The following ING5 variants were observed in gnomAD, a reference collection of about 807,000 sequenced individuals.
ING5 encodes the protein inhibitor of growth protein 5.
A neutral mutation model predicts 37.4 loss-of-function variants in ING5; 17 were observed. The ratio of observed to expected loss-of-function variants is 0.45; its 90% CI spans 0.31 to 0.68. The LOEUF is 0.68. Ranked by LOEUF, ING5 falls within the 30% of genes least tolerant of loss-of-function variation. The pLI is 0.05. For missense variants in ING5, 233 were observed against 311.9 expected (o/e 0.75, Z 1.91); for synonymous variants, 123 against 116.6 (o/e 1.06, Z -0.36).
rs1691623906 is a variant in ING5, at chr2:241,726,414, CTG to C, written c.*1387_*1388del. 1 of 152,264 alleles carries C rather than the reference CTG, an allele frequency of 6.6e-6. No individual in the cohort carries two copies. The highest frequency in any genetic ancestry group is 1.9e-4 in the East Asian group (1 of 5,202). 9.4% of individuals were successfully genotyped at this position (152,264 alleles called of 1,614,324 possible). On this transcript the variant is annotated 3_prime_UTR_variant, in exon 8 of 8. Coordinates refer to ENST00000313552, the MANE Select transcript of ING5 (RefSeq NM_032329.6). ...TAAAGCAGAAGGAACGTGTGAAGCT[CTG>C]TGTCTCAGACGGGGCCCTCCCGTCG... is the stretch of plus-strand genomic sequence containing the variant.
chr2:241,694,575 T>C (rs2069604086), intron 2 of ING5, among the ~76,000 whole-genome samples: 1 of 152,070 alleles, frequency 6.6e-6, no homozygotes, highest in African/African-American at 2.4e-5. Flanking sequence ...AGGTTGGCTT[T>C]TTCCCCCCTC....
At chr2:241,714,605 T>G (rs963297027) in intron 5 of ING5, among the ~76,000 whole-genome samples, 2 of 152,012 alleles carry the variant, frequency 1.3e-5, no homozygotes, top group East Asian at 3.9e-4. Context: ...ATCCTTTTTT[T>G]TTTTTCCCTG....
intron 2 of ING5, among the ~76,000 whole-genome samples, chr2:241,696,943 A>G (rs771141511): frequency 5.3e-5 from 8 of 151,994 alleles, no homozygotes; most frequent in Non-Finnish European, 1.2e-4. Context: ...TTAGCTGGGC[A>G]TGGTGGCAGG....
chr2:241,706,517 T>G (rs1575124570), intron 2 of ING5, among the ~76,000 whole-genome samples: 1 of 149,178 alleles, frequency 6.7e-6, no homozygotes, highest in East Asian at 2.0e-4. Flanking sequence ...TAATCCCAGC[T>G]AATTGGGAGG....
At chr2:241,724,939 G>A (rs200911729) in intron 7 of ING5, 50 bp from the exon 8 acceptor site, 3 of 1,594,920 alleles carry the variant, frequency 1.9e-6, no homozygotes, top group South Asian at 1.1e-5. Context: ...GGCACCCTGC[G>A]CGCTGGCGGA....
intron 2 of ING5, among the ~76,000 whole-genome samples, chr2:241,693,670 T>A (rs1304549409): frequency 2.1e-5 from 3 of 144,328 alleles, no homozygotes; most frequent in Non-Finnish European, 4.6e-5. Flanking sequence ...TTTTTTTTTT[T>A]TTTTTGAGAC....
Position 241,722,972 on chromosome 2 carries a change from C to A in ING5, c.516C>A (p.His172Gln). 1 of 1,614,172 alleles carries A rather than the reference C, an allele frequency of 6.2e-7. No individual in the cohort carries two copies. Among genetic ancestry groups the A allele is most frequent in the African/African-American group, 1.3e-5 (1 of 75,050 alleles). The change falls in exon 6 of 8, where the codon CAC becomes CAA. Residue 172 changes from histidine (H) to glutamine (Q), a missense_variant. His to Gln is a conservative substitution (Grantham distance 24). Coordinates refer to ENST00000313552, the MANE Select transcript of ING5 (RefSeq NM_032329.6). ...SEFTDTILSVHPSDVLDMPVD... is the reference protein window; with the variant it reads ...SEFTDTILSVQPSDVLDMPVD... ...TCACTGACACCATCCTGTCCGTGCACCCCTCTGATGTGCTGGACATGCCCG... is the reference window on the plus strand; with the variant it reads ...TCACTGACACCATCCTGTCCGTGCAACCCTCTGATGTGCTGGACATGCCCG...
intron 2 of ING5, among the ~76,000 whole-genome samples, chr2:241,691,515 C>G (rs2069555245): frequency 7.0e-6 from 1 of 143,018 alleles, no homozygotes. Flanking sequence ...TAGTGTGCTG[C>G]AACTTCCACC....
chr2:241,721,401 G>A (rs145657095), intron 5 of ING5: 2 of 985,518 alleles, frequency 2.0e-6, no homozygotes, highest in East Asian at 2.3e-4. Context: ...AAGAGCAGAA[G>A]AGCAGATTAC....
chr2:241,691,985 C>T (rs1425223197), intron 2 of ING5, among the ~76,000 whole-genome samples: 3 of 152,014 alleles, frequency 2.0e-5, no homozygotes, highest in Non-Finnish European at 4.4e-5. Flanking sequence ...GAGGTTGAGG[C>T]TGCAGTGAGC....
chr2:241,701,263 T>G (rs1467152843), upstream of ING5, among the ~76,000 whole-genome samples: 2 of 152,110 alleles, frequency 1.3e-5, no homozygotes, highest in African/African-American at 4.8e-5. Flanking sequence ...CGCGCCGGCC[T>G]TCTCCAGTAT....
chr2:241,704,037 A>G (rs2069825050), intron 1 of ING5, among the ~76,000 whole-genome samples: 1 of 152,158 alleles, frequency 6.6e-6, no homozygotes, highest in African/African-American at 2.4e-5. Context: ...TGAGCCTTGG[A>G]AGATGCTGCT....
intron 5 of ING5, chr2:241,721,998 G>C: frequency 1.0e-6 from 1 of 985,452 alleles, no homozygotes; most frequent in Non-Finnish European, 1.2e-6. Flanking sequence ...GGTCGGAAGG[G>C]GCCCTGTGCC....
chr2:241,688,860 G>A (rs553102364), intron 1 of ING5, among the ~76,000 whole-genome samples: 48 of 151,714 alleles, frequency 3.2e-4, no homozygotes, highest in Non-Finnish European at 5.6e-4. Flanking sequence ...GTGCAGTGGC[G>A]CAATCTTGGC....
chr2:241,711,415 G>A lies in ING5; in HGVS notation c.315G>A (p.Ala105=), dbSNP rs773216684. 56 of 1,587,552 alleles carry A rather than the reference G, an allele frequency of 3.5e-5. No homozygotes were observed. The highest frequency in any genetic ancestry group is 6.8e-5 in the African/African-American group (5 of 73,070). The change falls in exon 4 of 8, where the codon GCG becomes GCA. Residue 105 remains alanine (A), a synonymous_variant. Coordinates refer to ENST00000313552, the MANE Select transcript of ING5 (RefSeq NM_032329.6). ...KHIRRLDADL[A]RFEADLKDKM... ...TTCGAAGGCTTGATGCAGACCTGGC[G>A]CGCTTTGAAGCAGATCTGAAGGACA...
intron 2 of ING5, among the ~76,000 whole-genome samples, chr2:241,691,420 CAG>C (rs1289667561): frequency 2.6e-5 from 4 of 151,072 alleles, no homozygotes; most frequent in African/African-American, 7.3e-5. Context: ...GCCTGGGTGA[CAG>C]AGTGAGACAC....
chr2:241,715,472 ATTTTTTTT>A (rs34545938), intron 5 of ING5, among the ~76,000 whole-genome samples: 2 of 70,954 alleles, frequency 2.8e-5, no homozygotes, highest in East Asian at 8.0e-4. Flanking sequence ...CTGGAATAGA[ATTTTTTTT>A]TTTTTTTTTT....
rs977926851 is a variant in ING5, at chr2:241,728,073, G to A, written c.*3042G>A. On this transcript the variant is annotated 3_prime_UTR_variant, in exon 8 of 8. Coordinates refer to ENST00000313552, the MANE Select transcript of ING5 (RefSeq NM_032329.6). ...TTTGGAAGAAACATAGAAAACATGA[G>A]CAGAATGAGACAATTCCTTGGGCTG... The A allele has an allele frequency of 3.9e-5, 6 of 152,380 alleles. No individual in the cohort carries two copies. The Middle Eastern group carries it at 0.017, about 432-fold the overall frequency. The allele number at this position is 152,380 out of a possible 1,614,324, so 9.4% of individuals were successfully genotyped here.
chr2:241,707,006 C>T (rs547754447), intron 2 of ING5, among the ~76,000 whole-genome samples: 30 of 140,124 alleles, frequency 2.1e-4, no homozygotes, highest in Non-Finnish European at 3.9e-4. Context: ...GTTGCCCAGG[C>T]TGGCGTGCGA....
Sources: allele counts gnomAD v4.1 joint callset (sites outside exome capture counted in the v4.1 genomes callset), GRCh38; gene constraint gnomAD v4.1.1; transcripts MANE v1.5; gene names NCBI Gene and HGNC (gene_info 2026-07-23, HGNC 2026-07-21).